Variants in DMD observed in about 807,000 individuals in gnomAD.
The protein encoded by DMD is mutant dystrophin.
DMD carries 63 observed loss-of-function variants against 330.1 expected under a neutral mutation model. The ratio of observed to expected loss-of-function variants is 0.19; its 90% CI spans 0.16 to 0.24. The LOEUF is 0.24. Among genes scored for constraint, DMD ranks in the 10% least tolerant of loss-of-function variants. The pLI, the probability that DMD is intolerant of heterozygous loss-of-function variation, is 1.00. For synonymous variants in DMD, 1,223 were observed against 959.8 expected (o/e 1.27, Z -5.07); for missense variants, 3,344 against 2,684.1 (o/e 1.25, Z -5.43).
At chrX:32,715,277 G>C (rs1985186116) in intron 7 of DMD, among the ~76,000 whole-genome samples, 1 of 109,743 alleles carries the variant, frequency 9.1e-6, no homozygotes, top group African/African-American at 3.3e-5. Flanking sequence ...AAGAGATTGA[G>C]ACCATCCTGG....
intron 1 of DMD, among the ~76,000 whole-genome samples, chrX:33,115,688 T>C (rs776885019): frequency 2.6e-3 from 278 of 107,891 alleles, no homozygotes; most frequent in African/African-American, 8.9e-3. Context: ...ATTTTTTGTA[T>C]TTTTAGTAGA....
At chrX:32,737,759 A>T (rs1377773688) in intron 7 of DMD, among the ~76,000 whole-genome samples, 1 of 111,884 alleles carries the variant, frequency 8.9e-6, no homozygotes, top group African/African-American at 3.2e-5. Context: ...AACTAATGTT[A>T]ACTGTCTTCT....
At chrX:33,028,462 C>A (rs191216615) in intron 1 of DMD, among the ~76,000 whole-genome samples, 10 of 112,076 alleles carry the variant, frequency 8.9e-5, no homozygotes, top group Admixed American at 7.6e-4. Context: ...CCAGTGTACT[C>A]CTCTAAACAT....
At chrX:32,552,136 T>A (rs1056359520) in intron 16 of DMD, among the ~76,000 whole-genome samples, 1 of 111,940 alleles carries the variant, frequency 8.9e-6, no homozygotes, top group African/African-American at 3.2e-5. Context: ...AAAAATTCAG[T>A]TGGAGCCACT....
At chrX:32,594,941 T>C (rs1471906572) in intron 13 of DMD, among the ~76,000 whole-genome samples, 1 of 111,755 alleles carries the variant, frequency 8.9e-6, no homozygotes, top group Non-Finnish European at 1.9e-5. Flanking sequence ...AGAAAAGTTA[T>C]AGCAAGGGCT....
intron 1 of DMD, among the ~76,000 whole-genome samples, chrX:33,149,718 C>G (rs1312051258): frequency 9.0e-6 from 1 of 111,264 alleles, no homozygotes; most frequent in Non-Finnish European, 1.9e-5. Context: ...GTCTCCCTGT[C>G]GTCTCCACCA....
intron 11 of DMD, among the ~76,000 whole-genome samples, chrX:32,620,241 A>C (rs1002721190): frequency 2.7e-5 from 3 of 111,893 alleles, no homozygotes; most frequent in Non-Finnish European, 5.6e-5. Flanking sequence ...GGCTATTTAA[A>C]CCCCAACATG....
intron 50 of DMD, among the ~76,000 whole-genome samples, chrX:31,803,428 T>C (rs996093661): frequency 2.7e-5 from 3 of 112,239 alleles, no homozygotes; most frequent in Non-Finnish European, 5.6e-5. Context: ...GATGATTACA[T>C]AGAACGTACA....
In DMD at chrX:32,839,678, T is replaced by C. The variant is rs2079980875; in HGVS notation, c.264+5105A>G. On this transcript the variant is annotated intron_variant, in intron 4 of 78. Transcript: ENST00000357033. ...CAAACTAAAGTTGTACTTATGGATG[T>C]TTTCCATTTTTGTTTATACTTATGA... Among the ~76,000 whole-genome samples, 3 of 111,912 alleles carry C rather than the reference T, an allele frequency of 2.7e-5. No homozygotes were observed. The Admixed American group carries it at 2.9e-4, about 11-fold the overall frequency.
chrX:31,483,240 G>C (rs896825122), intron 57 of DMD, among the ~76,000 whole-genome samples: 8 of 108,311 alleles, frequency 7.4e-5, no homozygotes, highest in African/African-American at 2.7e-4. Flanking sequence ...TAGAGACGGG[G>C]TTTCACCGTG....
intron 1 of DMD, among the ~76,000 whole-genome samples, chrX:33,295,359 T>A (rs5927161): frequency 1.8e-5 from 2 of 109,286 alleles, no homozygotes. Flanking sequence ...GTGGTTGAAG[T>A]ATTTACACCA....
chrX:32,911,559 T>C (rs2087243632), intron 2 of DMD, among the ~76,000 whole-genome samples: 3 of 111,978 alleles, frequency 2.7e-5, no homozygotes, highest in Non-Finnish European at 5.6e-5. Context: ...AAATAATGTA[T>C]TCTAAACAAT....
At chrX:31,645,213 T>C (rs897526832) in intron 54 of DMD, among the ~76,000 whole-genome samples, 2 of 111,835 alleles carry the variant, frequency 1.8e-5, no homozygotes, top group Non-Finnish European at 3.8e-5. Context: ...TTATTAAGTA[T>C]AGCTTCTTTT....
At chrX:32,755,190 C>T (rs922527401) in intron 7 of DMD, among the ~76,000 whole-genome samples, 1 of 109,924 alleles carries the variant, frequency 9.1e-6, no homozygotes, top group Non-Finnish European at 1.9e-5. Flanking sequence ...GAGGAGAGCT[C>T]AATAATGAAA....
At chrX:31,960,207 CT>C (rs1444864702) in intron 45 of DMD, among the ~76,000 whole-genome samples, 1 of 110,841 alleles carries the variant, frequency 9.0e-6, no homozygotes, top group Non-Finnish European at 1.9e-5. Flanking sequence ...ATAAGAATAA[CT>C]TGCATAGCCA....
At chrX:32,156,300 A>C (rs1044552070) in intron 44 of DMD, among the ~76,000 whole-genome samples, 4 of 112,100 alleles carry the variant, frequency 3.6e-5, no homozygotes, top group Non-Finnish European at 7.5e-5. Context: ...GAATCTTTTG[A>C]ACCCGGGAGG....
intron 44 of DMD, among the ~76,000 whole-genome samples, chrX:32,060,726 G>C (rs2096217471): frequency 9.0e-6 from 1 of 111,654 alleles, no homozygotes; most frequent in Non-Finnish European, 1.9e-5. Flanking sequence ...ATTTGAAAAA[G>C]AGACAAATAA....
chrX:33,141,335 A>T (rs974300876), intron 1 of DMD, among the ~76,000 whole-genome samples: 2 of 111,424 alleles, frequency 1.8e-5, no homozygotes, highest in African/African-American at 6.5e-5. Context: ...AGAGCTCAGC[A>T]AATTTTAGTA....
intron 63 of DMD, among the ~76,000 whole-genome samples, chrX:31,259,933 T>A (rs767274379): frequency 9.0e-6 from 1 of 111,657 alleles, no homozygotes; most frequent in African/African-American, 3.3e-5. Context: ...AGAGATCGCC[T>A]TATGTGTTTT....
Sources: allele counts gnomAD v4.1 joint callset (sites outside exome capture counted in the v4.1 genomes callset), GRCh38; gene constraint gnomAD v4.1.1; transcripts MANE v1.5; gene names NCBI Gene and HGNC (gene_info 2026-07-23, HGNC 2026-07-21).